Variants in LYZL2 observed in about 807,000 individuals in gnomAD.
LYZL2 encodes lysozyme-like protein 2.
In LYZL2, 13 loss-of-function variants were observed where a neutral mutation model predicts 17.1. The observed-to-expected ratio is 0.76, with a 90% CI of 0.49 to 1.21. The LOEUF is 1.21. Ranked by LOEUF, LYZL2 falls within the 50% of genes most tolerant of loss-of-function variation. The pLI is 0.00. For missense variants in LYZL2, 166 were observed against 189.2 expected (o/e 0.88, Z 0.72); for synonymous variants, 63 against 74.4 (o/e 0.85, Z 0.79).
downstream of LYZL2, among the ~76,000 whole-genome samples, chr10:30,608,947 C>T (rs921227588): frequency 4.6e-5 from 7 of 152,138 alleles, no homozygotes; most frequent in Non-Finnish European, 8.8e-5. Context: ...TCAAGCGACC[C>T]TCCCACCTCA....
intron 3 of LYZL2, among the ~76,000 whole-genome samples, chr10:30,614,665 G>T (rs1449651466): frequency 6.6e-6 from 1 of 152,134 alleles, no homozygotes; most frequent in African/African-American, 2.4e-5. Context: ...AGAGAATTGG[G>T]TAATGCTGGA....
chr10:30,611,724 A>AAGAAAGAAAGAAAGAAAGAAAGAAAGAG (rs1564406074), downstream of LYZL2: 10 of 398,740 alleles, frequency 2.5e-5, no homozygotes, highest in African/African-American at 4.7e-4. Context: ...GAAAGAAAGA[A>AAGAAAGAAAGAAAGAAAGAAAGAAAGAG]AAGAAAAGAA....
downstream of LYZL2, among the ~76,000 whole-genome samples, chr10:30,611,362 G>A (rs1257133545): frequency 6.6e-6 from 1 of 151,658 alleles, no homozygotes; most frequent in Non-Finnish European, 1.5e-5. Flanking sequence ...ATCTGGGTGT[G>A]GTGGCACATG....
intron 3 of LYZL2, among the ~76,000 whole-genome samples, chr10:30,618,481 T>C (rs1838569613): frequency 6.6e-6 from 1 of 152,116 alleles, no homozygotes; most frequent in Admixed American, 6.5e-5. Context: ...AACAGAGATA[T>C]AGATCAATGG....
At chr10:30,617,562 C>G (rs1347767892) in intron 3 of LYZL2, among the ~76,000 whole-genome samples, 2 of 150,062 alleles carry the variant, frequency 1.3e-5, no homozygotes, top group Non-Finnish European at 3.0e-5. Context: ...GTAATCCCAG[C>G]TACTCCAGAG....
Position 30,628,872 on chromosome 10 carries a change from G to A in LYZL2, c.-26+721C>T, listed in dbSNP as rs370899024. Among the ~76,000 whole-genome samples, 208 of 152,310 alleles carry A rather than the reference G, an allele frequency of 1.4e-3. 8 individuals are homozygous for A. Among genetic ancestry groups the A allele is most frequent in the Admixed American group, 9.0e-3 (137 of 15,296 alleles). ...TAGCAAGCGTGGGCAAACCAGGCCC[G>A]CTTTTGTATGTAAAGTTTTATTGAA... On this transcript the variant is annotated intron_variant, in intron 1 of 4. Transcript: ENST00000647634.
At chr10:30,627,109 C>T (rs2479063) in intron 1 of LYZL2, among the ~76,000 whole-genome samples, 169 bp from the exon 2 acceptor site, 4 of 149,062 alleles carry the variant, frequency 2.7e-5, no homozygotes, top group African/African-American at 9.9e-5. Context: ...AATGTGACTG[C>T]AGGCTGTCTC....
intron 3 of LYZL2, among the ~76,000 whole-genome samples, chr10:30,614,919 T>G (rs1212886067): frequency 6.6e-6 from 1 of 152,228 alleles, no homozygotes; most frequent in African/African-American, 2.4e-5. Flanking sequence ...TGAAAAAATC[T>G]AATTGCCTCA....
intron 1 of LYZL2, 76 bp from the exon 2 acceptor site, chr10:30,627,016 A>C: frequency 1.9e-6 from 3 of 1,566,560 alleles, no homozygotes; most frequent in Non-Finnish European, 2.6e-6. Context: ...GACTGTGCAC[A>C]GCCCTGCCTA....
chr10:30,627,765 C>CGT (rs1403581615), intron 1 of LYZL2, among the ~76,000 whole-genome samples: 9 of 152,084 alleles, frequency 5.9e-5, no homozygotes, highest in Non-Finnish European at 1.0e-4. Flanking sequence ...ATTGGCACCC[C>CGT]GACCCCTACA....
At chr10:30,615,551 TACAC>T (rs946088464) in intron 3 of LYZL2, among the ~76,000 whole-genome samples, 3 of 151,988 alleles carry the variant, frequency 2.0e-5, no homozygotes, top group African/African-American at 7.2e-5. Flanking sequence ...CTGTCTCTCA[TACAC>T]ACACTCTGTC....
At chr10:30,624,569 A>G (rs1838674526) in intron 3 of LYZL2, among the ~76,000 whole-genome samples, 1 of 152,166 alleles carries the variant, frequency 6.6e-6, no homozygotes, top group African/African-American at 2.4e-5. Context: ...CCAATTACCC[A>G]GTTTGCATTT....
In LYZL2 at chr10:30,629,722, T is replaced by G. The variant is rs754853637; in HGVS notation, c.-155A>C. ...GTCCTGCATCCCCTGAAGCCATGTC[T>G]GATTCTAACAAGGCTCGAGTAATCC... On this transcript the variant is annotated 5_prime_UTR_variant, in exon 1 of 5. Transcript: ENST00000647634. 1 of 1,602,256 alleles carries G rather than the reference T, an allele frequency of 6.2e-7. No individual in the cohort carries two copies. Among genetic ancestry groups the G allele is most frequent in the Admixed American group, 1.7e-5 (1 of 58,804 alleles).
chr10:30,628,670 T>C (rs1028786403), intron 1 of LYZL2, among the ~76,000 whole-genome samples: 10 of 152,320 alleles, frequency 6.6e-5, no homozygotes, highest in South Asian at 2.1e-4. Context: ...GAAACTTCTC[T>C]AGTCATTAGT....
At position 30,629,679 on chromosome 10, in the gene LYZL2, C is replaced by G. The variant is rs1838777611; in HGVS notation, c.-112G>C. 6.2e-7 allele frequency: 1 copy of G among 1,613,970 alleles called. No homozygotes were observed. Among genetic ancestry groups the G allele is most frequent in the South Asian group, 1.1e-5 (1 of 91,074 alleles). ...AAACACTGCTCCACTTAGTCGGTGA[C>G]AGGCAGCTCAGGGGAGCGTCCTGCA... On this transcript the variant is annotated 5_prime_UTR_variant, in exon 1 of 5. Coordinates refer to ENST00000647634, the MANE Select transcript of LYZL2 (RefSeq NM_183058.3).
At position 30,611,903 on chromosome 10, in the gene LYZL2, T is replaced by C; in HGVS notation, c.*52A>G. 1 of 1,613,052 alleles carries C rather than the reference T, an allele frequency of 6.2e-7. No homozygotes were observed. Among genetic ancestry groups the C allele is most frequent in the African/African-American group, 1.3e-5 (1 of 74,982 alleles). ...CAAGATGACACAGGCATTTGGACAT[T>C]CACTGCAAACCCTAGGGCGTTGCTG... On this transcript the variant is annotated 3_prime_UTR_variant, in exon 5 of 5. Transcript: ENST00000647634.
At chr10:30,614,550 G>C (rs1838498474) in intron 3 of LYZL2, among the ~76,000 whole-genome samples, 1 of 152,220 alleles carries the variant, frequency 6.6e-6, no homozygotes, top group Non-Finnish European at 1.5e-5. Flanking sequence ...CAGGGGATCT[G>C]GGAGGCCCAT....
chr10:30,619,377 C>G (rs912278048), intron 3 of LYZL2, among the ~76,000 whole-genome samples: 8 of 152,084 alleles, frequency 5.3e-5, no homozygotes, highest in African/African-American at 1.7e-4. Context: ...CACATGCACA[C>G]GTATGTTTAT....
chr10:30,625,229 T>A (rs1383190268), intron 3 of LYZL2, among the ~76,000 whole-genome samples: 1 of 152,202 alleles, frequency 6.6e-6, no homozygotes, highest in Non-Finnish European at 1.5e-5. Flanking sequence ...AAGTTTGTGG[T>A]AATTTTTTAG....
Sources: gnomAD v4.1 joint callset for allele counts (sites outside exome capture counted in the v4.1 genomes callset) on GRCh38, gnomAD v4.1.1 for gene constraint, MANE v1.5 for transcripts, NCBI Gene and HGNC (gene_info 2026-07-23, HGNC 2026-07-21) for gene names.